The following EEF1AKMT2 variants were observed in gnomAD, a reference collection of about 807,000 sequenced individuals.
EEF1AKMT2 encodes the protein eukaryotic translation elongation factor 1 alpha lysine methyltransferase 2.
In EEF1AKMT2, 32 loss-of-function variants were observed where a neutral mutation model predicts 35.8. The observed-to-expected ratio is 0.89, with a 90% CI of 0.67 to 1.20. The LOEUF (loss-of-function observed/expected upper bound fraction) is 1.20, where lower values mean the gene tolerates loss of function less well. Ranked by LOEUF, EEF1AKMT2 falls within the 50% of genes most tolerant of loss-of-function variation. EEF1AKMT2 has a pLI of 0.00. For synonymous variants in EEF1AKMT2, 121 were observed against 133.7 expected (o/e 0.91, Z 0.65); for missense variants, 330 against 347.5 (o/e 0.95, Z 0.40).
At chr10:124,762,138 C>T (rs772634642) in intron 6 of EEF1AKMT2, among the ~76,000 whole-genome samples, 162 bp downstream of exon 6, 3 of 152,116 alleles carry the variant, frequency 2.0e-5, no homozygotes, top group Non-Finnish European at 2.9e-5. Flanking sequence ...GCCTCTAATC[C>T]CAGCCTTAAG....
At position 124,788,978 on chromosome 10, in the gene EEF1AKMT2, G is replaced by T. The variant is rs183106026; in HGVS notation, c.291+65C>A. The T allele has an allele frequency of 1.3e-3, 1,373 of 1,061,010 alleles. 24 individuals carry two copies. The Admixed American group carries it at 0.024, about 18-fold the overall frequency. 65.7% of individuals were successfully genotyped at this position (1,061,010 alleles called of 1,614,324 possible). On this transcript the variant is annotated intron_variant, in intron 3 of 6. Transcript: ENST00000368836. ...ATTTAGATGGTTAATATCCTCAATT[G>T]CAGGGCCTTTAAAAATTTTCCTTTT... is the stretch of plus-strand genomic sequence containing the variant.
intron 3 of EEF1AKMT2, among the ~76,000 whole-genome samples, chr10:124,788,678 G>T (rs1589795206): frequency 1.7e-5 from 2 of 114,548 alleles, no homozygotes; most frequent in South Asian, 6.5e-4. Flanking sequence ...GATAAGATAC[G>T]TATGTCCTAC....
Position 124,774,781 on chromosome 10 carries a change from G to A in EEF1AKMT2, c.293C>T (p.Ala98Val). Residue 98 changes from alanine (A) to valine (V), a missense_variant and splice_region_variant, in exon 4 of 7, where the codon GCA becomes GTA. Ala to Val is a moderately conservative substitution (Grantham distance 64, BLOSUM62 0). Coordinates refer to ENST00000368836, the MANE Select transcript of EEF1AKMT2 (RefSeq NM_212554.4). ...TGNGVFLVEL[A>V]KFGFSNITGI... ...AGTAATATTAGAGAAACCAAATTTT[G>A]CCTAGAGAGAAATAATTTTATACTT... is the stretch of plus-strand genomic sequence containing the variant. 3 of 1,399,626 alleles carry A rather than the reference G, an allele frequency of 2.1e-6. No homozygotes were observed. The highest frequency in any genetic ancestry group is 1.9e-6 in the Non-Finnish European group (2 of 1,058,314). The allele number at this position is 1,399,626 out of a possible 1,614,324, so 86.7% of individuals were successfully genotyped here. A position where few individuals can be genotyped will look rare whatever the true frequency, so the allele number is the denominator to read the frequency against.
rs151004405 is a variant in EEF1AKMT2 at position 124,758,147 on chromosome 10, G to A, written c.*2356C>T. The A allele has an allele frequency of 1.3e-4, 20 of 152,200 alleles. No individual in the cohort carries two copies. Among genetic ancestry groups the A allele is most frequent in the East Asian group, 3.9e-4 (2 of 5,194 alleles). The allele number at this position is 152,200 out of a possible 1,614,324, so 9.4% of individuals were successfully genotyped here. A position where few individuals can be genotyped will look rare whatever the true frequency, so the allele number is the denominator to read the frequency against. ...TCAAACAAGTTTCCTCAAAGTAAGC[G>A]TCTTTCGATTAAATGAAATCACAAT... On this transcript the variant is annotated 3_prime_UTR_variant, in exon 7 of 7. Transcript: ENST00000368836.
chr10:124,766,645 A>G (rs918630467), intron 4 of EEF1AKMT2, among the ~76,000 whole-genome samples: 8 of 152,216 alleles, frequency 5.3e-5, no homozygotes, highest in Admixed American at 5.2e-4. Context: ...ATTGACTTAA[A>G]AATGTATATA....
chr10:124,769,946 CAAAAAA>C (rs71484588), intron 4 of EEF1AKMT2, among the ~76,000 whole-genome samples: 11 of 60,216 alleles, frequency 1.8e-4, no homozygotes, highest in African/African-American at 5.1e-4. Flanking sequence ...AACTCCATCT[CAAAAAA>C]AAAAAAAAAA....
In EEF1AKMT2 at chr10:124,760,218, T is replaced by C. The variant is rs1279020056; in HGVS notation, c.*285A>G. On this transcript the variant is annotated 3_prime_UTR_variant, in exon 7 of 7. Transcript: ENST00000368836. ...TACAAAAGAAAATTAAAATTATTCTTGATTGATCTCTAAAACCCAACCACT... is the reference window on the plus strand; with the variant it reads ...TACAAAAGAAAATTAAAATTATTCTCGATTGATCTCTAAAACCCAACCACT... The C allele has an allele frequency of 9.6e-6, 4 of 417,650 alleles. No homozygotes were observed. Among genetic ancestry groups the C allele is most frequent in the Non-Finnish European group, 1.7e-5 (4 of 235,638 alleles). The allele number at this position is 417,650 out of a possible 1,614,324, so 25.9% of individuals were successfully genotyped here. A position where few individuals can be genotyped will look rare whatever the true frequency, so the allele number is the denominator to read the frequency against.
chr10:124,769,192 T>C (rs1046842587), intron 4 of EEF1AKMT2, among the ~76,000 whole-genome samples: 19 of 100,726 alleles, frequency 1.9e-4, no homozygotes, highest in Non-Finnish European at 2.9e-4. Flanking sequence ...CACTCCAGCC[T>C]GGGCTACAGG....
intron 3 of EEF1AKMT2, among the ~76,000 whole-genome samples, chr10:124,778,790 G>A (rs1950511063): frequency 6.7e-6 from 1 of 149,970 alleles, no homozygotes. Context: ...TGGGATACAA[G>A]GCGACAGATT....
chr10:124,767,756 C>T (rs1288023185), intron 4 of EEF1AKMT2, among the ~76,000 whole-genome samples: 3 of 152,034 alleles, frequency 2.0e-5, no homozygotes, highest in Admixed American at 6.6e-5. Flanking sequence ...GAGGCCGAGA[C>T]GGGTAGATCA....
In EEF1AKMT2 at chr10:124,791,849, G is replaced by A; in HGVS notation, c.-16C>T. 1.3e-6 allele frequency: 2 copies of A among 1,555,538 alleles called. No homozygotes were observed. Among genetic ancestry groups the A allele is most frequent in the Non-Finnish European group, 1.7e-6 (2 of 1,156,964 alleles). ...CCGAGCTCATTTCGCTCCACGTCCT[G>A]GACGGCCGTTGGGGCCGCCATAGAG... On this transcript the variant is annotated 5_prime_UTR_variant, in exon 1 of 7. It introduces an in-frame stop codon into an upstream open reading frame of the 5' UTR. Coordinates refer to ENST00000368836, the MANE Select transcript of EEF1AKMT2 (RefSeq NM_212554.4).
chr10:124,774,684 A>G lies in EEF1AKMT2; in HGVS notation c.390T>C (p.Ile130=), dbSNP rs774047225. The G allele has an allele frequency of 1.4e-5, 20 of 1,403,834 alleles. 1 individual carries two copies. The Admixed American group carries it at 5.2e-4, about 37-fold the overall frequency. The allele number at this position is 1,403,834 out of a possible 1,614,324, so 87.0% of individuals were successfully genotyped here. The stretch of plus-strand genomic sequence containing the variant: ...TATAAATAATAGTTACCTTTAACTT[A>G]ATGTTAGATAAACCTTCTTTTTCTA... The part of the protein sequence containing the change: ...SIIEKEGLSN[I]KLKVEDFLNL... Residue 130 remains isoleucine (I), a synonymous_variant, in exon 4 of 7, where the codon ATT becomes ATC. Coordinates refer to ENST00000368836, the MANE Select transcript of EEF1AKMT2 (RefSeq NM_212554.4).
Position 124,777,473 on chromosome 10 carries a change from C to T in EEF1AKMT2, c.292-2691G>A, listed in dbSNP as rs865972482. Among the ~76,000 whole-genome samples, 53 of 151,702 alleles carry T rather than the reference C, an allele frequency of 3.5e-4. 1 individual carries two copies. Among genetic ancestry groups the T allele is most frequent in the Admixed American group, 9.2e-4 (14 of 15,208 alleles). Reference sequence around the variant, plus strand: ...ACACCTGTACAGCATTTTACTGTACCGAATACTGGAGGCAACTGTAGCACG... The same window carrying T: ...ACACCTGTACAGCATTTTACTGTACTGAATACTGGAGGCAACTGTAGCACG... On this transcript the variant is annotated intron_variant, in intron 3 of 6. Coordinates refer to ENST00000368836, the MANE Select transcript of EEF1AKMT2 (RefSeq NM_212554.4).
At chr10:124,788,908 T>C in intron 3 of EEF1AKMT2, 135 bp downstream of exon 3, 1 of 621,798 alleles carries the variant, frequency 1.6e-6, no homozygotes, top group Admixed American at 2.9e-5. Flanking sequence ...AGCCTCCCTT[T>C]TGTACTATCT....
Position 124,769,861 on chromosome 10 carries a change from G to A in EEF1AKMT2, c.400-4253C>T, listed in dbSNP as rs558526432. On this transcript the variant is annotated intron_variant, in intron 4 of 6. Transcript: ENST00000368836. ...ACTCGGAGGCTGAGGCAGGAGAATC[G>A]CTTGAAACCGGGAGGCAGAGGTTGT... Among the ~76,000 whole-genome samples the A allele has an allele frequency of 4.7e-3, 660 of 139,450 alleles. 4 individuals are homozygous for A. Among genetic ancestry groups the A allele is most frequent in the African/African-American group, 0.017 (620 of 37,442 alleles). The allele number at this position is 139,450 out of a possible 152,430, so 91.5% of individuals were successfully genotyped here. A position where few individuals can be genotyped will look rare whatever the true frequency, so the allele number is the denominator to read the frequency against.
intron 3 of EEF1AKMT2, among the ~76,000 whole-genome samples, chr10:124,776,430 A>G (rs1022220730): frequency 2.0e-5 from 3 of 152,188 alleles, no homozygotes; most frequent in Admixed American, 6.5e-5. Context: ...AGATTTCAAA[A>G]CAACTGACAG....
Position 124,789,105 on chromosome 10 carries a change from T to C in EEF1AKMT2, c.229A>G (p.Ile77Val). The change falls in exon 3 of 7, where the codon ATT becomes GTT. Residue 77 changes from isoleucine to valine, a missense_variant. Coordinates refer to ENST00000368836, the MANE Select transcript of EEF1AKMT2 (RefSeq NM_212554.4). ...TCAAGCACTGAAGCATCCAGTGGAA[T>C]CTTGTGTTTCTGCATCCACCTTATT... ...RLIRWMQKHK[I>V]PLDASVLDIG... The C allele has an allele frequency of 6.2e-7, 1 of 1,613,892 alleles. No individual in the cohort carries two copies. Among genetic ancestry groups the C allele is most frequent in the Non-Finnish European group, 8.5e-7 (1 of 1,179,950 alleles).
intron 6 of EEF1AKMT2, 26 bp downstream of exon 6, chr10:124,762,274 A>AG: frequency 9.4e-7 from 1 of 1,060,938 alleles, no homozygotes; most frequent in Non-Finnish European, 1.2e-6. Context: ...CTTTTAAAAA[A>AG]TAAATAAAGC....
At chr10:124,778,020 C>T (rs1950502498) in intron 3 of EEF1AKMT2, among the ~76,000 whole-genome samples, 2 of 151,996 alleles carry the variant, frequency 1.3e-5, no homozygotes, top group African/African-American at 4.8e-5. Flanking sequence ...GGTGAAACCC[C>T]ATCTCTACTA....
Sources: allele counts gnomAD v4.1 joint callset (sites outside exome capture counted in the v4.1 genomes callset), GRCh38; gene constraint gnomAD v4.1.1; transcripts MANE v1.5; gene names NCBI Gene and HGNC (gene_info 2026-07-23, HGNC 2026-07-21).